The following QTGAL variants were observed in gnomAD, a reference collection of about 807,000 sequenced individuals.
QTGAL encodes the protein BGnT-like protein 1.
the QTGAL span, among the ~76,000 whole-genome samples, chr17:83,026,773 CGGGG>C: frequency 7.6e-5 from 8 of 105,042 alleles, no homozygotes; most frequent in African/African-American, 2.9e-4. Context: ...CAGAGGAGGG[CGGGG>C]AGCCTGCAGA....
At chr17:82,986,172 T>C in the QTGAL span, among the ~76,000 whole-genome samples, 82 of 152,320 alleles carry the variant, frequency 5.4e-4, no homozygotes, top group African/African-American at 1.9e-3. Context: ...GGTGACTTTG[T>C]GCCCGTGAAC....
the QTGAL span, among the ~76,000 whole-genome samples, chr17:83,025,715 G>A: frequency 6.6e-6 from 1 of 152,238 alleles, no homozygotes; most frequent in African/African-American, 2.4e-5. Context: ...AGGCGGGGCT[G>A]AGGGTATTCC....
the QTGAL span, among the ~76,000 whole-genome samples, chr17:83,019,457 A>G: frequency 6.6e-6 from 1 of 152,262 alleles, no homozygotes; most frequent in Non-Finnish European, 1.5e-5. Context: ...TGAAAGGACA[A>G]ATATTGTCAC....
chr17:83,006,003 G>T, the QTGAL span: 1 of 1,074,382 alleles, frequency 9.3e-7, no homozygotes, highest in African/African-American at 1.7e-5. This position sits in a 1 kb window ranked among gnomAD's most constrained non-coding sequence, Gnocchi z 5.8. Flanking sequence ...GGAGCTGGCT[G>T]GAGAGAGGGC....
the QTGAL span, chr17:83,048,659 TC>T: frequency 1.9e-6 from 3 of 1,611,680 alleles, no homozygotes; most frequent in Non-Finnish European, 2.5e-6. Context: ...GACAGGAAGT[TC>T]CTACAAACCT....
At chr17:82,971,540 G>A in the QTGAL span, among the ~76,000 whole-genome samples, 1 of 151,680 alleles carries the variant, frequency 6.6e-6, no homozygotes, top group African/African-American at 2.4e-5. Context: ...GAAAGGCTGG[G>A]AAGGAGGCGT....
chr17:82,993,090 T>C, the QTGAL span, among the ~76,000 whole-genome samples: 4 of 151,748 alleles, frequency 2.6e-5, no homozygotes, highest in Admixed American at 1.3e-4. Flanking sequence ...AGAAAACAAA[T>C]AACAAAATGG....
chr17:82,961,407 C>G, the QTGAL span: 2 of 304,718 alleles, frequency 6.6e-6, no homozygotes, highest in Non-Finnish European at 1.3e-5. Context: ...GGAGGGTGGG[C>G]TGGGTCTTGG....
the QTGAL span, chr17:82,942,331 G>A: frequency 4.8e-6 from 7 of 1,457,152 alleles, no homozygotes; most frequent in East Asian, 9.2e-5. Flanking sequence ...CGGCACAAAT[G>A]GTTTCCTGCA....
chr17:82,975,095 G>T, the QTGAL span, among the ~76,000 whole-genome samples: 2 of 94,276 alleles, frequency 2.1e-5, no homozygotes, highest in East Asian at 6.6e-4. Flanking sequence ...GGCCACTATG[G>T]AGAGTCAGGG....
At chr17:83,043,457 A>C in the QTGAL span, among the ~76,000 whole-genome samples, 2 of 152,226 alleles carry the variant, frequency 1.3e-5, no homozygotes, top group Non-Finnish European at 2.9e-5. Context: ...GGCTAATTAG[A>C]ATATACTCAG....
the QTGAL span, among the ~76,000 whole-genome samples, chr17:82,952,047 C>T: frequency 3.6e-3 from 551 of 152,298 alleles, 6 homozygotes; most frequent in African/African-American, 0.012. Context: ...GGCTGCCACA[C>T]GCCTGTAATT....
chr17:82,950,212 G>A, the QTGAL span, among the ~76,000 whole-genome samples: 2 of 152,224 alleles, frequency 1.3e-5, no homozygotes, highest in Non-Finnish European at 2.9e-5. Context: ...GACACAGCGT[G>A]TGCAGGACAA....
the QTGAL span, among the ~76,000 whole-genome samples, chr17:82,994,524 C>G: frequency 1.3e-5 from 2 of 152,070 alleles, no homozygotes; most frequent in Non-Finnish European, 2.9e-5. Flanking sequence ...CTAAATAGAT[C>G]AATAACAAGT....
chr17:83,023,828 T>C, the QTGAL span, among the ~76,000 whole-genome samples: 3 of 152,096 alleles, frequency 2.0e-5, no homozygotes, highest in Admixed American at 2.0e-4. Flanking sequence ...CCTTCATGGG[T>C]TAGATGGGCC....
At chr17:83,006,029 T>C in the QTGAL span, 6 of 1,034,618 alleles carry the variant, frequency 5.8e-6, no homozygotes, top group Admixed American at 2.3e-4. The surrounding 1 kb of genome is among the most constrained non-coding windows in gnomAD (Gnocchi z 5.8). Flanking sequence ...GGCGCGTCCG[T>C]AGGAAACAGC....
At chr17:82,959,394 TG>T in the QTGAL span, among the ~76,000 whole-genome samples, 1 of 78,446 alleles carries the variant, frequency 1.3e-5, no homozygotes, top group South Asian at 4.7e-4. Context: ...GCGTGTGCAG[TG>T]AGTACGTGTG....
chr17:83,048,713 A>C, the QTGAL span: 1 of 1,614,058 alleles, frequency 6.2e-7, no homozygotes, highest in Non-Finnish European at 8.5e-7. Flanking sequence ...GTACCTTCAA[A>C]GTCCTGTTGC....
the QTGAL span, among the ~76,000 whole-genome samples, chr17:82,976,829 CGGGA>C: frequency 4.3e-5 from 1 of 23,462 alleles, no homozygotes; most frequent in Non-Finnish European, 6.9e-5. Context: ...GTCAGGGCCC[CGGGA>C]CAGAGCCGAA....
Sources: allele counts gnomAD v4.1 joint callset (sites outside exome capture counted in the v4.1 genomes callset), GRCh38; gene constraint gnomAD v4.1.1; non-coding constraint Gnocchi (gnomAD v3.1); transcripts MANE v1.5; gene names NCBI Gene and HGNC (gene_info 2026-07-23, HGNC 2026-07-21).